Variants in GTF2B observed in about 807,000 individuals in gnomAD.
The protein encoded by GTF2B is general transcription factor IIB.
Under a neutral mutation model 34.6 loss-of-function variants are expected in GTF2B, and 20 were observed. The observed-to-expected ratio is 0.58, with a 90% CI of 0.41 to 0.84. The LOEUF (loss-of-function observed/expected upper bound fraction) is 0.84, where lower values mean the gene tolerates loss of function less well. Among genes scored for constraint, GTF2B ranks in the 40% least tolerant of loss-of-function variants. The pLI, the probability that GTF2B is intolerant of heterozygous loss-of-function variation, is 0.00. For synonymous variants in GTF2B, 142 were observed against 132.4 expected (o/e 1.07, Z -0.50); for missense variants, 237 against 393.3 (o/e 0.60, Z 3.36).
chr1:88,878,519 G>A (rs1409156229), intron 2 of GTF2B, among the ~76,000 whole-genome samples: 4 of 152,170 alleles, frequency 2.6e-5, no homozygotes, highest in African/African-American at 9.7e-5. Flanking sequence ...AAATACTGGG[G>A]AAAAGCATTA....
At chr1:88,863,258 G>C (rs538742730) in intron 3 of GTF2B, among the ~76,000 whole-genome samples, 70 of 152,126 alleles carry the variant, frequency 4.6e-4, no homozygotes, top group Non-Finnish European at 9.3e-4. Flanking sequence ...TGTAAAGTTA[G>C]GTAAGTCATA....
chr1:88,879,992 G>A (rs975942341), intron 2 of GTF2B, among the ~76,000 whole-genome samples: 1 of 152,042 alleles, frequency 6.6e-6, no homozygotes, highest in Non-Finnish European at 1.5e-5. Flanking sequence ...CCGGGAGGTG[G>A]AGGTTGTAGT....
intron 3 of GTF2B, among the ~76,000 whole-genome samples, chr1:88,861,502 TA>T (rs1226945903): frequency 6.6e-6 from 1 of 151,978 alleles, no homozygotes; most frequent in Non-Finnish European, 1.5e-5. Flanking sequence ...CTACCTCTAC[TA>T]AAAGTACAAA....
intron 2 of GTF2B, among the ~76,000 whole-genome samples, chr1:88,872,713 C>T (rs1457989745): frequency 6.6e-6 from 1 of 152,096 alleles, no homozygotes; most frequent in Non-Finnish European, 1.5e-5. Context: ...TTCTTGCACA[C>T]TGTGGGTGTA....
At chr1:88,862,550 A>G (rs986156087) in intron 3 of GTF2B, among the ~76,000 whole-genome samples, 9 of 152,106 alleles carry the variant, frequency 5.9e-5, no homozygotes, top group African/African-American at 2.2e-4. Context: ...CTCAAAAACA[A>G]AACAGACTAT....
chr1:88,863,846 G>A, intron 3 of GTF2B, 135 bp downstream of exon 3: 1 of 717,438 alleles, frequency 1.4e-6, no homozygotes, highest in Non-Finnish European at 2.4e-6. Flanking sequence ...CATTCACAAT[G>A]ATATTACTGG....
chr1:88,876,904 C>G (rs1673830123), intron 2 of GTF2B, among the ~76,000 whole-genome samples: 1 of 152,206 alleles, frequency 6.6e-6, no homozygotes, highest in African/African-American at 2.4e-5. Context: ...TCTAGAGACA[C>G]TGACTTCTAG....
chr1:88,874,612 G>A (rs72724785), intron 2 of GTF2B, among the ~76,000 whole-genome samples: 2,114 of 147,686 alleles, frequency 0.014, 41 homozygotes, highest in Non-Finnish European at 0.016. Flanking sequence ...TGAGTTATCA[G>A]GATTACGGCA....
intron 1 of GTF2B, among the ~76,000 whole-genome samples, chr1:88,888,524 T>A (rs574390681): frequency 6.6e-6 from 1 of 152,254 alleles, no homozygotes; most frequent in Admixed American, 6.5e-5. Flanking sequence ...ATATAAATTA[T>A]GAAAAACCAT....
intron 2 of GTF2B, among the ~76,000 whole-genome samples, chr1:88,881,418 C>G (rs1673937445): frequency 6.6e-6 from 1 of 152,126 alleles, no homozygotes; most frequent in Non-Finnish European, 1.5e-5. Flanking sequence ...TTAATGCAAT[C>G]TAAATGTACT....
intron 2 of GTF2B, among the ~76,000 whole-genome samples, chr1:88,881,650 G>C (rs980611925): frequency 1.3e-5 from 2 of 152,074 alleles, no homozygotes; most frequent in African/African-American, 4.8e-5. Flanking sequence ...AAATATCTAT[G>C]AATGAGCCTA....
At chr1:88,867,770 G>GT (rs1673593442) in intron 2 of GTF2B, among the ~76,000 whole-genome samples, 1 of 152,036 alleles carries the variant, frequency 6.6e-6, no homozygotes, top group Admixed American at 6.5e-5. Flanking sequence ...GCTTTATACT[G>GT]TTTTTATAAA....
At chr1:88,887,445 A>C in intron 1 of GTF2B, 78 bp from the exon 2 acceptor site, 1 of 861,710 alleles carries the variant, frequency 1.2e-6, no homozygotes, top group Non-Finnish European at 2.0e-6. Context: ...GGGGATGGGG[A>C]AGACAAAGAT....
At chr1:88,871,030 T>C (rs975267724) in intron 2 of GTF2B, among the ~76,000 whole-genome samples, 21 of 151,792 alleles carry the variant, frequency 1.4e-4, no homozygotes, top group African/African-American at 5.1e-4. Context: ...GCCTCCTGAG[T>C]AGCTGGGACT....
In GTF2B at chr1:88,857,496, A is replaced by C; in HGVS notation, c.536-9T>G. 1 of 1,448,920 alleles carries C rather than the reference A, an allele frequency of 6.9e-7. No homozygotes were observed. The allele number at this position is 1,448,920 out of a possible 1,614,324, so 89.8% of individuals were successfully genotyped here. A position where few individuals can be genotyped will look rare whatever the true frequency, so the allele number is the denominator to read the frequency against. ...TGATACGGCACATATTTCTAAAAGAAAAAAAATTAAATAAATCAATTCACT... is the reference window on the plus strand; with the variant it reads ...TGATACGGCACATATTTCTAAAAGACAAAAAATTAAATAAATCAATTCACT... On this transcript the variant is annotated splice_polypyrimidine_tract_variant and intron_variant, in intron 5 of 6. Transcript: ENST00000370500.
intron 5 of GTF2B, among the ~76,000 whole-genome samples, chr1:88,859,289 G>A (rs1673385904): frequency 6.6e-6 from 1 of 152,114 alleles, no homozygotes; most frequent in African/African-American, 2.4e-5. Context: ...TAGGCCTTCT[G>A]AAAGCCCACA....
At chr1:88,885,972 T>C (rs1437796546) in intron 2 of GTF2B, among the ~76,000 whole-genome samples, 1 of 152,138 alleles carries the variant, frequency 6.6e-6, no homozygotes, top group Non-Finnish European at 1.5e-5. Flanking sequence ...ATGGAGCCAG[T>C]CTTCTAGACT....
At chr1:88,857,580 C>G (rs1465804827) in intron 5 of GTF2B, 93 bp from the exon 6 acceptor site, 17 of 656,622 alleles carry the variant, frequency 2.6e-5, no homozygotes, top group Non-Finnish European at 3.9e-5. Context: ...AATATACATT[C>G]TAATTGTAAA....
At chr1:88,874,497 AT>A (rs56331310) in intron 2 of GTF2B, among the ~76,000 whole-genome samples, 1,690 of 83,524 alleles carry the variant, frequency 0.02, 36 homozygotes, top group East Asian at 0.092. Flanking sequence ...AGCTAATTAA[AT>A]TTTTTTTTTT....
Sources: allele counts gnomAD v4.1 joint callset (sites outside exome capture counted in the v4.1 genomes callset), GRCh38; gene constraint gnomAD v4.1.1; transcripts MANE v1.5; gene names NCBI Gene and HGNC (gene_info 2026-07-23, HGNC 2026-07-21).